PRKCSH: variants seen among roughly 807,000 people sequenced by gnomAD.
PRKCSH encodes the protein PRKCSH beta subunit of glucosidase II, also known as glucosidase 2 subunit beta.
A neutral mutation model predicts 79.7 loss-of-function variants in PRKCSH; 42 were observed. That is an observed-to-expected ratio of 0.53 (90% CI 0.41 to 0.68). PRKCSH has a LOEUF of 0.68. Among genes scored for constraint, PRKCSH ranks in the 30% least tolerant of loss-of-function variants. PRKCSH has a pLI of 0.00. For missense variants in PRKCSH, 686 were observed against 709.0 expected, an observed-to-expected ratio of 0.97 and a Z score of 0.37; for synonymous variants, 325 against 288.2, an observed-to-expected ratio of 1.13 and a Z score of -1.29.
Position 11,447,229 on chromosome 19 carries a change from G to C in PRKCSH, c.849+69G>C. On this transcript the variant is annotated intron_variant, in intron 10 of 17. Coordinates refer to ENST00000677123, the MANE Select transcript of PRKCSH (RefSeq NM_001289104.2). The surrounding 1 kb of genome is among the most constrained non-coding windows in gnomAD (Gnocchi z 5.6). Reference sequence around the variant, plus strand: ...TGCCCCCACCCCGCCTCACAAAGGAGCTGCCTCTGGTTCTGGCACCTGGCC... The same window carrying C: ...TGCCCCCACCCCGCCTCACAAAGGACCTGCCTCTGGTTCTGGCACCTGGCC... The C allele has an allele frequency of 6.4e-7, 1 of 1,558,816 alleles. No homozygotes were observed.
intron 7 of PRKCSH, among the ~76,000 whole-genome samples, chr19:11,444,337 G>A (rs1360225310): frequency 6.6e-6 from 1 of 152,134 alleles, no homozygotes; most frequent in Non-Finnish European, 1.5e-5. Flanking sequence ...AAGGGTGGCG[G>A]GGCTGAGCCA....
chr19:11,439,605 C>CTTTTTT (rs758607686), intron 5 of PRKCSH, among the ~76,000 whole-genome samples: 984 of 68,924 alleles, frequency 0.014, 8 homozygotes, highest in Non-Finnish European at 0.017. Flanking sequence ...TTTTTCTTTT[C>CTTTTTT]TTTTTTTTTT....
intron 7 of PRKCSH, among the ~76,000 whole-genome samples, chr19:11,442,740 C>T (rs1970121165): frequency 6.6e-6 from 1 of 152,146 alleles, no homozygotes; most frequent in South Asian, 2.1e-4. Context: ...CTCCCTCTGC[C>T]ACCCGGGCTG....
intron 7 of PRKCSH, among the ~76,000 whole-genome samples, chr19:11,443,552 A>C (rs1970161925): frequency 6.6e-6 from 1 of 151,590 alleles, no homozygotes; most frequent in South Asian, 2.1e-4. Flanking sequence ...CTCAAAAAAA[A>C]AAAAAAAATT....
intron 7 of PRKCSH, among the ~76,000 whole-genome samples, chr19:11,444,794 TCTCC>T (rs1183710771): frequency 6.6e-6 from 1 of 151,690 alleles, no homozygotes; most frequent in Non-Finnish European, 1.5e-5. Context: ...CCAGGACCGG[TCTCC>T]CTCCCTGTAT....
At position 11,441,313 on chromosome 19, in the gene PRKCSH, A is replaced by C. The variant is rs1422414995; in HGVS notation, c.424A>C (p.Lys142Gln). The C allele has an allele frequency of 2.5e-6, 4 of 1,614,100 alleles. No individual in the cohort carries two copies. In the South Asian group the frequency reaches 4.4e-5, roughly 18 times the overall value. ...EVTREGFRLK[K>Q]ILIEDWKKAR... The stretch of plus-strand genomic sequence containing the variant: ...CACCCGCGAAGGGTTCCGTCTGAAG[A>C]AGATCCTTATTGAGGACTGGAAGAA... The change falls in exon 6 of 18, where the codon AAG becomes CAG. Residue 142 changes from lysine to glutamine, a missense_variant. Physicochemically the swap from Lys to Gln is moderately conservative, Grantham distance 53 (BLOSUM62 1). This residue lies in a region of PRKCSH where 549 missense variants were observed against 520.2 expected (regional missense o/e 1.06). Transcript: ENST00000677123.
Position 11,448,469 on chromosome 19 carries a change from CTG to C in PRKCSH, c.1197-67_1197-66del. ...GGCACCATTGCTCAGCCAGACCCTC[CTG>C]TGTCTGTCGTCCTGGGTCAGGCACT... is the stretch of plus-strand genomic sequence containing the variant. On this transcript the variant is annotated intron_variant, in intron 13 of 17. Coordinates refer to ENST00000677123, the MANE Select transcript of PRKCSH (RefSeq NM_001289104.2). This position sits in a 1 kb window ranked among gnomAD's most constrained non-coding sequence, Gnocchi z 4.4. The C allele has an allele frequency of 6.7e-7, 1 of 1,491,346 alleles. No homozygotes were observed. The highest frequency in any genetic ancestry group is 1.1e-5 in the South Asian group (1 of 88,338). 92.4% of individuals were successfully genotyped at this position (1,491,346 alleles called of 1,614,324 possible).
rs150262452 is a variant in PRKCSH, at chr19:11,448,256, C to T, written c.1161C>T (p.Ala387=). The T allele has an allele frequency of 1.7e-5, 27 of 1,568,920 alleles. No homozygotes were observed. Among genetic ancestry groups the T allele is most frequent in the African/African-American group, 1.5e-4 (11 of 74,076 alleles). ...AGGCCCGCAACAAGTTCGAGGAGGC[C>T]GAGCGGTCGCTGAAGGACATGGAGG... ...AQEARNKFEE[A]ERSLKDMEES... Residue 387 remains alanine (A), a synonymous_variant, in exon 13 of 18, where the codon GCC becomes GCT. Transcript: ENST00000677123. This position sits in a 1 kb window ranked among gnomAD's most constrained non-coding sequence, Gnocchi z 4.4.
Position 11,445,463 on chromosome 19 carries a change from A to G in PRKCSH, c.673A>G (p.Met225Val). The change falls in exon 8 of 18, where the codon ATG becomes GTG. Residue 225 changes from methionine to valine, a missense_variant. Met to Val is a conservative substitution (Grantham distance 21). This residue lies in a region of PRKCSH where 549 missense variants were observed against 520.2 expected (regional missense o/e 1.06). Transcript: ENST00000677123. ...ADAFKELDDD[M>V]DGTVSVTELQ... Reference sequence around the variant, plus strand: ...TGCCTTCAAGGAGCTGGATGATGACATGGACGGGACGTGAGTGTCCCCTAG... The same window carrying G: ...TGCCTTCAAGGAGCTGGATGATGACGTGGACGGGACGTGAGTGTCCCCTAG... 6.2e-7 allele frequency: 1 copy of G among 1,613,950 alleles called. No individual in the cohort carries two copies. The highest frequency in any genetic ancestry group is 8.5e-7 in the Non-Finnish European group (1 of 1,179,992).
chr19:11,441,015 C>T, intron 5 of PRKCSH: 1 of 524,922 alleles, frequency 1.9e-6, no homozygotes, highest in Admixed American at 2.7e-5. Context: ...CTGGCACTCC[C>T]TAGTCCCTTC....
Position 11,442,652 on chromosome 19 carries a change from G to A in PRKCSH, c.598+137G>A. ...CTGCCCATCGCCTTGTGTGCTTTGA[G>A]GTTCGCTTGGATTGTGGCATATGTC... On this transcript the variant is annotated intron_variant, in intron 7 of 17. Transcript: ENST00000677123. 5 of 1,373,278 alleles carry A rather than the reference G, an allele frequency of 3.6e-6. No homozygotes were observed. The South Asian group carries it at 5.0e-5, about 14-fold the overall frequency. 85.1% of individuals were successfully genotyped at this position (1,373,278 alleles called of 1,614,324 possible). A position where few individuals can be genotyped will look rare whatever the true frequency, so the allele number is the denominator to read the frequency against.
intron 7 of PRKCSH, among the ~76,000 whole-genome samples, chr19:11,444,667 C>G (rs754304415): frequency 6.6e-6 from 1 of 152,184 alleles, no homozygotes; most frequent in Non-Finnish European, 1.5e-5. Context: ...GCTTTCCGCT[C>G]TGCTTAGGTT....
chr19:11,442,585 C>A, intron 7 of PRKCSH, 70 bp downstream of exon 7: 2 of 1,571,886 alleles, frequency 1.3e-6, no homozygotes, highest in African/African-American at 1.3e-5. Flanking sequence ...AGGAGTCTCC[C>A]GCTCATTATC....
At position 11,447,194 on chromosome 19, in the gene PRKCSH, C is replaced by T. The variant is rs1296222670; in HGVS notation, c.849+34C>T. On this transcript the variant is annotated intron_variant, in intron 10 of 17. Transcript: ENST00000677123. This position sits in a 1 kb window ranked among gnomAD's most constrained non-coding sequence, Gnocchi z 5.6. ...AGGAGAAGGGAGGGGACTTGGTCCT[C>T]CCACCACACTGCCCCCACCCCGCCT... is the stretch of plus-strand genomic sequence containing the variant. The T allele has an allele frequency of 5.0e-6, 8 of 1,601,986 alleles. No homozygotes were observed. The highest frequency in any genetic ancestry group is 1.3e-5 in the African/African-American group (1 of 74,728).
Position 11,435,859 on chromosome 19 carries a change from G to T in PRKCSH, c.-78+153G>T. 4 of 1,059,766 alleles carry T rather than the reference G, an allele frequency of 3.8e-6. No homozygotes were observed. The Admixed American group carries it at 9.6e-5, about 25-fold the overall frequency. 65.6% of individuals were successfully genotyped at this position (1,059,766 alleles called of 1,614,324 possible). ...ATTGGGCACAGGGAGCGGAGGTTTT[G>T]AGATCTTGAGATCCTCGCCATTGAT... On this transcript the variant is annotated intron_variant, in intron 1 of 17. Coordinates refer to ENST00000677123, the MANE Select transcript of PRKCSH (RefSeq NM_001289104.2).
intron 3 of PRKCSH, among the ~76,000 whole-genome samples, chr19:11,437,357 A>AT (rs542447708): frequency 0.025 from 2,871 of 116,164 alleles, 42 homozygotes; most frequent in African/African-American, 0.052. Flanking sequence ...TTTGTTTTTA[A>AT]TTTTTTTTTT....
chr19:11,437,798 GGCTCTTA>G, intron 3 of PRKCSH, 71 bp from the exon 4 acceptor site: 1 of 1,245,958 alleles, frequency 8.0e-7, no homozygotes, highest in Non-Finnish European at 1.2e-6. Context: ...GTGGGTCAGG[GGCTCTTA>G]TCTGTGGATG....
chr19:11,450,406 G>A (rs1232938767), intron 17 of PRKCSH: 1 of 151,904 alleles, frequency 6.6e-6, no homozygotes, highest in East Asian at 2.0e-4. Context: ...GAACCCAGGA[G>A]GTAGAGGTTG....
At chr19:11,446,889 C>T (rs532401174) in intron 9 of PRKCSH, among the ~76,000 whole-genome samples, 185 bp from the exon 10 acceptor site, 4 of 152,278 alleles carry the variant, frequency 2.6e-5, no homozygotes, top group East Asian at 3.9e-4. Flanking sequence ...TGGTCTCCTC[C>T]TCCCCTCCCA....
Sources: allele counts gnomAD v4.1 joint callset (sites outside exome capture counted in the v4.1 genomes callset), GRCh38; gene constraint gnomAD v4.1.1; regional missense constraint gnomAD v4.1.1; non-coding constraint Gnocchi (gnomAD v3.1); transcripts MANE v1.5; gene names NCBI Gene and HGNC (gene_info 2026-07-23, HGNC 2026-07-21).